The following SPAG16 variants were observed in gnomAD, a reference collection of about 807,000 sequenced individuals.
SPAG16 encodes sperm-associated antigen 16 protein.
A neutral mutation model predicts 80.4 loss-of-function variants in SPAG16; 86 were observed. The ratio of observed to expected loss-of-function variants is 1.07; its 90% CI spans 0.90 to 1.28. SPAG16 has a LOEUF of 1.28. Ranked by LOEUF, SPAG16 falls within the 50% of genes most tolerant of loss-of-function variation. SPAG16 has a pLI of 0.00. For missense variants in SPAG16, 870 were observed against 765.3 expected (o/e 1.14, Z -1.61); for synonymous variants, 294 against 265.9 (o/e 1.11, Z -1.03).
rs562721493 is a variant in SPAG16, at chr2:213,751,224, A to T, written c.1071-111261A>T. On this transcript the variant is annotated intron_variant, in intron 10 of 15. Transcript: ENST00000331683. ...AGTTGCTGCCTCTACATTTATTTTT[A>T]GGGCTGACATAGTTATTTAAAACCT... Among the ~76,000 whole-genome samples the T allele has an allele frequency of 8.6e-5, 13 of 151,998 alleles. 1 individual carries two copies. Among genetic ancestry groups the T allele is most frequent in the African/African-American group, 2.4e-4 (10 of 41,478 alleles).
chr2:213,718,844 T>G (rs1392866380), intron 10 of SPAG16, among the ~76,000 whole-genome samples: 1 of 152,082 alleles, frequency 6.6e-6, no homozygotes, highest in Non-Finnish European at 1.5e-5. Context: ...CGGCGCCCAG[T>G]CCCATCGACC....
At chr2:214,052,714 A>G (rs2049719574) in intron 13 of SPAG16, among the ~76,000 whole-genome samples, 1 of 152,196 alleles carries the variant, frequency 6.6e-6, no homozygotes, top group Non-Finnish European at 1.5e-5. Context: ...TTCCCCCTGT[A>G]TATGCTGATA....
chr2:214,372,810 G>A (rs1260219662), intron 15 of SPAG16, among the ~76,000 whole-genome samples: 3 of 152,160 alleles, frequency 2.0e-5, no homozygotes, highest in African/African-American at 7.2e-5. Flanking sequence ...CTCTTCCTCT[G>A]CTATCACTGT....
intron 15 of SPAG16, among the ~76,000 whole-genome samples, chr2:214,388,134 T>G (rs915169161): frequency 6.6e-6 from 1 of 152,112 alleles, no homozygotes; most frequent in Non-Finnish European, 1.5e-5. Flanking sequence ...ACAAAAAGAA[T>G]GCACATATTC....
chr2:213,940,860 C>T (rs377031097), intron 12 of SPAG16, among the ~76,000 whole-genome samples: 1 of 152,104 alleles, frequency 6.6e-6, no homozygotes, highest in Non-Finnish European at 1.5e-5. Context: ...TTCCTCCTAA[C>T]TTATTTATAA....
chr2:213,608,360 T>G (rs2061335432), intron 10 of SPAG16, among the ~76,000 whole-genome samples: 1 of 152,144 alleles, frequency 6.6e-6, no homozygotes, highest in Admixed American at 6.5e-5. Context: ...GTGTGTGATG[T>G]TCCCTTCCTG....
At position 214,050,149 on chromosome 2, in the gene SPAG16, G is replaced by A. The variant is rs2049563126; in HGVS notation, c.1527+36072G>A. Among the ~76,000 whole-genome samples, 2 of 151,896 alleles carry A rather than the reference G, an allele frequency of 1.3e-5. 1 individual carries two copies. The highest frequency in any genetic ancestry group is 1.3e-4 in the Admixed American group (2 of 15,230). ...GAAGAGGCGAGAAGTGAAGCCATAT[G>A]GAAAAAACTACCTCTCTTAGGGACA... On this transcript the variant is annotated intron_variant, in intron 13 of 15. Coordinates refer to ENST00000331683, the MANE Select transcript of SPAG16 (RefSeq NM_024532.5).
Position 213,336,185 on chromosome 2 carries a change from C to T in SPAG16, c.537-3978C>T, listed in dbSNP as rs939423759. Among the ~76,000 whole-genome samples, 11 of 152,306 alleles carry T rather than the reference C, an allele frequency of 7.2e-5. No individual in the cohort carries two copies. In the East Asian group the frequency reaches 9.6e-4, roughly 13 times the overall value. On this transcript the variant is annotated intron_variant, in intron 5 of 15. Coordinates refer to ENST00000331683, the MANE Select transcript of SPAG16 (RefSeq NM_024532.5). ...TTTTGTCATGGATCCTTGCAACCTG[C>T]GGATCAGGAGTTCCCCTTGCGAGCC...
intron 10 of SPAG16, among the ~76,000 whole-genome samples, chr2:213,618,857 A>G (rs2061682574): frequency 6.6e-6 from 1 of 152,116 alleles, no homozygotes; most frequent in Admixed American, 6.5e-5. Flanking sequence ...TTTTCTTTCC[A>G]GATTCCCTGC....
intron 9 of SPAG16, among the ~76,000 whole-genome samples, chr2:213,435,732 C>G (rs1261279167): frequency 6.6e-6 from 1 of 152,084 alleles, no homozygotes; most frequent in Non-Finnish European, 1.5e-5. Flanking sequence ...ACACATTGTT[C>G]AGGACAGAAA....
intron 15 of SPAG16, among the ~76,000 whole-genome samples, chr2:214,293,400 CTGGCA>C (rs1326303633): frequency 3.9e-5 from 6 of 152,182 alleles, no homozygotes; most frequent in African/African-American, 1.4e-4. Context: ...ACCTCAGACC[CTGGCA>C]GTAGTGTTCA....
intron 15 of SPAG16, among the ~76,000 whole-genome samples, chr2:214,382,729 C>T (rs1032307371): frequency 9.2e-5 from 14 of 152,138 alleles, no homozygotes; most frequent in African/African-American, 1.9e-4. Context: ...GCTTTCATGT[C>T]CCTTTGTGTC....
At chr2:214,127,373 T>TC (rs1418232585) in intron 14 of SPAG16, among the ~76,000 whole-genome samples, 1 of 151,738 alleles carries the variant, frequency 6.6e-6, no homozygotes, top group African/African-American at 2.4e-5. Context: ...CAAAAACTAC[T>TC]CCAACAATAT....
chr2:213,984,167 G>A (rs756919252), intron 12 of SPAG16, among the ~76,000 whole-genome samples: 4 of 151,938 alleles, frequency 2.6e-5, no homozygotes, highest in East Asian at 1.9e-4. Flanking sequence ...CCAATTTCAC[G>A]AATATTATCA....
chr2:214,050,781 G>A (rs17812817), intron 13 of SPAG16, among the ~76,000 whole-genome samples: 27,391 of 152,036 alleles, frequency 0.18, 3,162 homozygotes, highest in Middle Eastern at 0.28. Flanking sequence ...TCTGTCACCA[G>A]ACTATTTCTT....
Position 213,355,169 on chromosome 2 carries a change from G to A in SPAG16, c.762+4524G>A, listed in dbSNP as rs531319764. 2.0e-5 allele frequency among the ~76,000 whole-genome samples: 3 copies of A among 152,256 alleles called. No homozygotes were observed. The South Asian group carries it at 6.2e-4, about 32-fold the overall frequency. ...TGTCAGGTTTGTCAAAGATCAGATG[G>A]TTGTAGATGTGTGGTGTTATTTCTG... is the stretch of plus-strand genomic sequence containing the variant. On this transcript the variant is annotated intron_variant, in intron 7 of 15. Coordinates refer to ENST00000331683, the MANE Select transcript of SPAG16 (RefSeq NM_024532.5).
intron 10 of SPAG16, among the ~76,000 whole-genome samples, chr2:213,778,303 T>A (rs2069727272): frequency 6.6e-6 from 1 of 152,162 alleles, no homozygotes; most frequent in Admixed American, 6.5e-5. Context: ...ATACCTAGAC[T>A]TTTTTGACAC....
chr2:213,607,519 GTTTAA>G (rs1369401015), intron 10 of SPAG16, among the ~76,000 whole-genome samples: 7 of 152,142 alleles, frequency 4.6e-5, no homozygotes, highest in African/African-American at 1.7e-4. Flanking sequence ...CTCATGCACT[GTTTAA>G]TTTAATGATT....
chr2:213,582,555 CT>C (rs1336358212), intron 10 of SPAG16, among the ~76,000 whole-genome samples: 4 of 152,004 alleles, frequency 2.6e-5, no homozygotes, highest in African/African-American at 7.2e-5. Flanking sequence ...AAATGAGGGA[CT>C]TTAAAAAGAG....
Sources: allele counts gnomAD v4.1 joint callset (sites outside exome capture counted in the v4.1 genomes callset), GRCh38; gene constraint gnomAD v4.1.1; transcripts MANE v1.5; gene names NCBI Gene and HGNC (gene_info 2026-07-23, HGNC 2026-07-21).